The following FTO variants were observed in gnomAD, a reference collection of about 807,000 sequenced individuals.
FTO encodes alpha-ketoglutarate-dependent dioxygenase FTO.
In FTO, 47 loss-of-function variants were observed where a neutral mutation model predicts 63.9. The ratio of observed to expected loss-of-function variants is 0.74; its 90% CI spans 0.58 to 0.94. The LOEUF is 0.94. Among genes scored for constraint, FTO ranks in the 40% least tolerant of loss-of-function variants. FTO has a pLI of 0.00. For synonymous variants in FTO, 207 were observed against 224.4 expected, an observed-to-expected ratio of 0.92 and a Z score of 0.69; for missense variants, 562 against 618.1, an observed-to-expected ratio of 0.91 and a Z score of 0.96.
intron 1 of FTO, among the ~76,000 whole-genome samples, chr16:53,704,996 C>T (rs773141433): frequency 1.4e-5 from 2 of 146,596 alleles, no homozygotes; most frequent in Admixed American, 1.4e-4. Context: ...GATTTGTCTA[C>T]GTATATTGGG....
At chr16:53,923,369 A>G (rs2082053892) in intron 7 of FTO, among the ~76,000 whole-genome samples, 1 of 152,208 alleles carries the variant, frequency 6.6e-6, no homozygotes, top group Non-Finnish European at 1.5e-5. Flanking sequence ...GCTGTGCTAT[A>G]CTAGCTCTTT....
chr16:53,899,438 A>G (rs187357839), intron 7 of FTO, among the ~76,000 whole-genome samples: 1 of 152,204 alleles, frequency 6.6e-6, no homozygotes, highest in South Asian at 2.1e-4. Context: ...AATTTTCAAA[A>G]TTATATAGAG....
At chr16:53,810,675 G>C (rs1335747580) in intron 2 of FTO, among the ~76,000 whole-genome samples, 1 of 152,124 alleles carries the variant, frequency 6.6e-6, no homozygotes, top group Non-Finnish European at 1.5e-5. Flanking sequence ...CCGTGTCTCT[G>C]TCTCTGAATT....
At chr16:53,757,135 G>C (rs1035459515) in intron 1 of FTO, among the ~76,000 whole-genome samples, 3 of 151,998 alleles carry the variant, frequency 2.0e-5, no homozygotes, top group Non-Finnish European at 4.4e-5. Flanking sequence ...TGTATTTATG[G>C]TATATACTAT....
At chr16:53,982,324 C>T (rs1168072335) in intron 8 of FTO, among the ~76,000 whole-genome samples, 2 of 152,130 alleles carry the variant, frequency 1.3e-5, no homozygotes, top group African/African-American at 4.8e-5. Flanking sequence ...CTATGATGTC[C>T]TAAAGCACTT....
At chr16:54,077,805 G>A (rs1484044503) in intron 8 of FTO, among the ~76,000 whole-genome samples, 1 of 152,198 alleles carries the variant, frequency 6.6e-6, no homozygotes, top group Non-Finnish European at 1.5e-5. Flanking sequence ...GGCCAGAATG[G>A]CAGGCAGTCG....
intron 1 of FTO, among the ~76,000 whole-genome samples, chr16:53,781,243 T>C (rs542422224): frequency 6.6e-5 from 10 of 152,372 alleles, no homozygotes; most frequent in African/African-American, 2.4e-4. Context: ...TAGTTCCTGG[T>C]ATTTGTACTG....
intron 4 of FTO, among the ~76,000 whole-genome samples, chr16:53,861,358 A>G (rs557933967): frequency 6.6e-6 from 1 of 152,192 alleles, no homozygotes; most frequent in Non-Finnish European, 1.5e-5. Context: ...GTTCCAATTT[A>G]CAAATATTTT....
intron 8 of FTO, among the ~76,000 whole-genome samples, chr16:54,076,750 C>T (rs538450154): frequency 2.0e-5 from 3 of 152,274 alleles, no homozygotes; most frequent in South Asian, 2.1e-4. Context: ...ACCTTAAATG[C>T]ATCCCTGTAT....
chr16:53,830,752 T>G (rs889821502), intron 3 of FTO, among the ~76,000 whole-genome samples: 1 of 152,006 alleles, frequency 6.6e-6, no homozygotes, highest in Non-Finnish European at 1.5e-5. Flanking sequence ...AAAAATAAGC[T>G]GGGCATGGTG....
chr16:53,824,998 A>G (rs2078966740), intron 2 of FTO, among the ~76,000 whole-genome samples: 1 of 152,162 alleles, frequency 6.6e-6, no homozygotes, highest in Non-Finnish European at 1.5e-5. Flanking sequence ...AAGGGAATTG[A>G]CCAATATTAC....
chr16:53,812,295 G>T (rs1226343310), intron 2 of FTO, among the ~76,000 whole-genome samples: 4 of 150,294 alleles, frequency 2.7e-5, no homozygotes, highest in African/African-American at 9.8e-5. Flanking sequence ...TTGAGATAGA[G>T]TCTAGCTGTG....
At chr16:53,756,429 A>G (rs750728199) in intron 1 of FTO, among the ~76,000 whole-genome samples, 2 of 152,192 alleles carry the variant, frequency 1.3e-5, no homozygotes, top group Non-Finnish European at 2.9e-5. Context: ...TCAAGTCTCT[A>G]TTCAGTGCTT....
chr16:53,894,265 G>A (rs2081223592), intron 7 of FTO, among the ~76,000 whole-genome samples: 1 of 152,196 alleles, frequency 6.6e-6, no homozygotes. Context: ...GCCCTTGCCA[G>A]GAGCCTGCCC....
intron 3 of FTO, among the ~76,000 whole-genome samples, chr16:53,839,741 T>C (rs2079406930): frequency 2.7e-5 from 2 of 74,038 alleles, no homozygotes; most frequent in South Asian, 8.9e-4. Context: ...TTGAAAATTA[T>C]TTTTTTCAAG....
chr16:54,076,088 G>T (rs1281397593), intron 8 of FTO, among the ~76,000 whole-genome samples: 2 of 152,082 alleles, frequency 1.3e-5, no homozygotes, highest in Non-Finnish European at 2.9e-5. Context: ...CCCTCTTCCT[G>T]ATAATCTGTA....
intron 1 of FTO, among the ~76,000 whole-genome samples, chr16:53,725,514 A>AT (rs971070208): frequency 3.9e-5 from 6 of 152,134 alleles, no homozygotes; most frequent in African/African-American, 1.2e-4. Flanking sequence ...CATAATTTCT[A>AT]TTTTTTGCCT....
chr16:53,735,990 G>A (rs1001825604), intron 1 of FTO, among the ~76,000 whole-genome samples: 2 of 152,104 alleles, frequency 1.3e-5, no homozygotes, highest in African/African-American at 4.8e-5. Flanking sequence ...ATATATCACT[G>A]TGTAGATGCC....
intron 8 of FTO, among the ~76,000 whole-genome samples, chr16:54,094,376 C>T (rs1159717324): frequency 7.9e-5 from 12 of 152,168 alleles, no homozygotes; most frequent in African/African-American, 2.9e-4. Context: ...AAACTTCAGT[C>T]GGAGGACTTC....
Sources: allele counts gnomAD v4.1 joint callset (sites outside exome capture counted in the v4.1 genomes callset), GRCh38; gene constraint gnomAD v4.1.1; transcripts MANE v1.5; gene names NCBI Gene and HGNC (gene_info 2026-07-23, HGNC 2026-07-21).